Variants in RUFY2 observed in about 807,000 individuals in gnomAD.
RUFY2 encodes the protein RUN and FYVE domain containing 2.
Under a neutral mutation model 94.4 loss-of-function variants are expected in RUFY2, and 49 were observed. The ratio of observed to expected loss-of-function variants is 0.52; its 90% CI spans 0.41 to 0.66. The LOEUF (loss-of-function observed/expected upper bound fraction) is 0.66. RUFY2 is among the 30% of genes least tolerant of loss of function. The probability of loss-of-function intolerance (pLI) is 0.00; values close to 1 mark genes in which losing one functional copy is unlikely to be tolerated. For synonymous variants in RUFY2, 255 were observed against 235.7 expected (o/e 1.08, Z -0.75); for missense variants, 541 against 692.8 (o/e 0.78, Z 2.46).
chr10:68,373,807 T>C (rs185918873), intron 13 of RUFY2, among the ~76,000 whole-genome samples: 2 of 151,926 alleles, frequency 1.3e-5, no homozygotes, highest in Non-Finnish European at 1.5e-5. Flanking sequence ...AAACATGAAC[T>C]ATATGCTGTC....
chr10:68,383,724 T>C (rs1454871809), intron 10 of RUFY2, 74 bp downstream of exon 10: 1 of 1,059,916 alleles, frequency 9.4e-7, no homozygotes, highest in East Asian at 2.4e-5. Context: ...CTGAAAAAGA[T>C]TTTAAATGGT....
Position 68,393,375 on chromosome 10 carries a change from T to C in RUFY2, c.585-172A>G, listed in dbSNP as rs529669266. ...GTGTACTAAGTATCTATAACCTTTGTTGAATAAATTACTTGCTAATAATAC... is the reference window on the plus strand; with the variant it reads ...GTGTACTAAGTATCTATAACCTTTGCTGAATAAATTACTTGCTAATAATAC... On this transcript the variant is annotated intron_variant, in intron 6 of 17. Coordinates refer to ENST00000602465, the MANE Select transcript of RUFY2 (RefSeq NM_001330103.2). Among the ~76,000 whole-genome samples, 4 of 152,328 alleles carry C rather than the reference T, an allele frequency of 2.6e-5. No individual in the cohort carries two copies. In the East Asian group the frequency reaches 7.7e-4, roughly 29 times the overall value.
At chr10:68,366,026 A>G (rs1424198548) in intron 13 of RUFY2, among the ~76,000 whole-genome samples, 2 of 152,164 alleles carry the variant, frequency 1.3e-5, no homozygotes, top group Non-Finnish European at 2.9e-5. Context: ...AAAAACCACA[A>G]AAGGAAAAAG....
chr10:68,394,844 T>C (rs965724781), intron 4 of RUFY2, among the ~76,000 whole-genome samples: 1 of 151,742 alleles, frequency 6.6e-6, no homozygotes, highest in Non-Finnish European at 1.5e-5. Flanking sequence ...TTAGCCAAGA[T>C]AGTCTCGATC....
chr10:68,392,742 G>A lies in RUFY2; in HGVS notation c.650+396C>T, dbSNP rs538088588. On this transcript the variant is annotated intron_variant, in intron 7 of 17. Coordinates refer to ENST00000602465, the MANE Select transcript of RUFY2 (RefSeq NM_001330103.2). ...TTGAGACCATCCTGGCCAACGTGGT[G>A]AAACCCCGTCTCTACTAAAATACAA... Among the ~76,000 whole-genome samples the A allele has an allele frequency of 1.1e-4, 16 of 146,516 alleles. No individual in the cohort carries two copies. The South Asian group carries it at 3.3e-3, about 30-fold the overall frequency.
chr10:68,347,278 CTTTT>C lies in RUFY2; in HGVS notation c.1600-1198_1600-1195del, dbSNP rs66465620. Among the ~76,000 whole-genome samples, 6 of 86,548 alleles carry C rather than the reference CTTTT, an allele frequency of 6.9e-5. No individual in the cohort carries two copies. In the East Asian group the frequency reaches 1.3e-3, roughly 18 times the overall value. 56.8% of individuals were successfully genotyped at this position (86,548 alleles called of 152,430 possible). ...AAGCAGTATTTATGACAACTTGACC[CTTTT>C]TTTTTTTTTTTTTTTTTTTGAAAAG... On this transcript the variant is annotated intron_variant, in intron 16 of 17. Coordinates refer to ENST00000602465, the MANE Select transcript of RUFY2 (RefSeq NM_001330103.2).
chr10:68,350,102 C>T (rs768120237), intron 16 of RUFY2, among the ~76,000 whole-genome samples: 36 of 152,118 alleles, frequency 2.4e-4, no homozygotes, highest in Non-Finnish European at 4.4e-4. Context: ...CTCCGCCTCC[C>T]GGGTTCAAGT....
chr10:68,367,520 T>G (rs1318256816), intron 13 of RUFY2, among the ~76,000 whole-genome samples: 2 of 152,162 alleles, frequency 1.3e-5, no homozygotes, highest in Admixed American at 6.6e-5. Context: ...AGTGGCACAA[T>G]CACAGCTCAC....
intron 4 of RUFY2, among the ~76,000 whole-genome samples, chr10:68,395,162 A>C (rs548012027): frequency 6.6e-6 from 1 of 151,704 alleles, no homozygotes; most frequent in South Asian, 2.1e-4. Flanking sequence ...ACATGGTGAA[A>C]CCTCATCTCT....
intron 11 of RUFY2, among the ~76,000 whole-genome samples, chr10:68,379,901 A>G (rs10998100): frequency 0.27 from 40,163 of 150,096 alleles, 7,308 homozygotes; most frequent in African/African-American, 0.52. Flanking sequence ...TCCGCCTCTC[A>G]GGTTCACGCC....
chr10:68,373,520 G>A (rs1457980170), intron 13 of RUFY2, among the ~76,000 whole-genome samples: 1 of 152,092 alleles, frequency 6.6e-6, no homozygotes, highest in Non-Finnish European at 1.5e-5. Flanking sequence ...TAATCCAAAT[G>A]CTTTAGGAGG....
At chr10:68,382,528 C>T (rs1423605068) in intron 10 of RUFY2, among the ~76,000 whole-genome samples, 2 of 151,108 alleles carry the variant, frequency 1.3e-5, no homozygotes, top group African/African-American at 4.9e-5. Context: ...TCCTGGCTAA[C>T]ATGGTGAAAC....
intron 16 of RUFY2, chr10:68,346,454 AG>A (rs1476018719): frequency 5.5e-6 from 1 of 181,310 alleles, no homozygotes; most frequent in African/African-American, 2.4e-5. Flanking sequence ...TGAAAAATCA[AG>A]ACTGCACATG....
At chr10:68,362,824 C>A (rs1043449716) in intron 15 of RUFY2, among the ~76,000 whole-genome samples, 2 of 151,950 alleles carry the variant, frequency 1.3e-5, no homozygotes, top group African/African-American at 4.8e-5. Flanking sequence ...AACACCATTT[C>A]TCCTTCTTGT....
chr10:68,341,339 T>C (rs763246761), downstream of RUFY2: 6 of 1,582,670 alleles, frequency 3.8e-6, no homozygotes, highest in African/African-American at 4.1e-5. Context: ...CACAATCTTA[T>C]TTCCTAAACG....
chr10:68,378,249 AT>A, intron 12 of RUFY2: 1 of 1,048,170 alleles, frequency 9.5e-7, no homozygotes, highest in Non-Finnish European at 1.1e-6. Flanking sequence ...AGGTTAAGTT[AT>A]TTTTAAACAA....
At chr10:68,364,854 C>T (rs2047693524) in intron 13 of RUFY2, among the ~76,000 whole-genome samples, 3 of 151,770 alleles carry the variant, frequency 2.0e-5, no homozygotes, top group African/African-American at 7.3e-5. Flanking sequence ...ACCAAAACTC[C>T]TAAATTATTC....
intron 3 of RUFY2, among the ~76,000 whole-genome samples, chr10:68,397,617 G>GA (rs2050486835): frequency 7.0e-6 from 1 of 143,374 alleles, no homozygotes; most frequent in Admixed American, 7.2e-5. Flanking sequence ...TTAAAAAAGT[G>GA]AAAAAAAATC....
chr10:68,356,924 C>G (rs755939222), intron 15 of RUFY2, among the ~76,000 whole-genome samples: 4 of 151,696 alleles, frequency 2.6e-5, no homozygotes, highest in Non-Finnish European at 5.9e-5. Context: ...CTTTGGGAGA[C>G]AGAGGTGAGC....
Sources: allele counts gnomAD v4.1 joint callset (sites outside exome capture counted in the v4.1 genomes callset), GRCh38; gene constraint gnomAD v4.1.1; transcripts MANE v1.5; gene names NCBI Gene and HGNC (gene_info 2026-07-23, HGNC 2026-07-21).